LAMA2: variants seen among roughly 807,000 people sequenced by gnomAD.
LAMA2 encodes the protein laminin subunit alpha 2.
A neutral mutation model predicts 364.8 loss-of-function variants in LAMA2; 269 were observed. The ratio of observed to expected loss-of-function variants is 0.74; its 90% CI spans 0.67 to 0.82. The LOEUF is 0.82. LAMA2 is among the 40% of genes least tolerant of loss of function. The pLI, the probability that LAMA2 is intolerant of heterozygous loss-of-function variation, is 0.00. For synonymous variants in LAMA2, 1,379 were observed against 1,370.6 expected (o/e 1.01, Z -0.14); for missense variants, 3,807 against 3,873.2 (o/e 0.98, Z 0.45).
intron 4 of LAMA2, among the ~76,000 whole-genome samples, chr6:129,142,682 T>A (rs1248437125): frequency 6.6e-6 from 1 of 152,052 alleles, no homozygotes; most frequent in Non-Finnish European, 1.5e-5. Context: ...TACTGCTCAA[T>A]TGACTTTCTT....
chr6:128,931,327 T>C (rs894117717), intron 1 of LAMA2, among the ~76,000 whole-genome samples: 8 of 152,230 alleles, frequency 5.3e-5, no homozygotes, highest in Admixed American at 3.9e-4. Flanking sequence ...TCTAGCACTT[T>C]TCAGGCAATA....
chr6:129,482,963 A>T (rs1484471144), intron 55 of LAMA2, among the ~76,000 whole-genome samples: 1 of 150,962 alleles, frequency 6.6e-6, no homozygotes, highest in Non-Finnish European at 1.5e-5. Context: ...GTTACTTGGG[A>T]GGCTGAGGCA....
At chr6:129,068,666 G>C (rs1474955214) in intron 3 of LAMA2, among the ~76,000 whole-genome samples, 7 of 152,188 alleles carry the variant, frequency 4.6e-5, no homozygotes, top group South Asian at 2.1e-4. Flanking sequence ...TAGAAAGCGT[G>C]AAGTAAATTT....
chr6:129,043,413 A>G (rs889663924), intron 1 of LAMA2, among the ~76,000 whole-genome samples: 2 of 152,178 alleles, frequency 1.3e-5, no homozygotes, highest in African/African-American at 2.4e-5. Flanking sequence ...CCAATTTTCT[A>G]TTAATCACAT....
At chr6:129,388,716 A>T (rs1297780281) in intron 35 of LAMA2, among the ~76,000 whole-genome samples, 1 of 151,826 alleles carries the variant, frequency 6.6e-6, no homozygotes, top group Non-Finnish European at 1.5e-5. Context: ...TATTCATTTA[A>T]CAAAGAAAAA....
intron 1 of LAMA2, among the ~76,000 whole-genome samples, chr6:129,043,593 C>G (rs918306809): frequency 5.9e-5 from 9 of 152,112 alleles, no homozygotes; most frequent in African/African-American, 7.2e-5. Flanking sequence ...TTTGCTTATT[C>G]CAACATCTGG....
intron 40 of LAMA2, 114 bp downstream of exon 40, chr6:129,404,073 T>C: frequency 1.7e-6 from 2 of 1,152,856 alleles, no homozygotes; most frequent in Non-Finnish European, 2.5e-6. Flanking sequence ...TGGGTTATTT[T>C]TGAAGACCTC....
At chr6:129,486,934 C>G (rs751581425) in intron 56 of LAMA2, among the ~76,000 whole-genome samples, 2 of 152,200 alleles carry the variant, frequency 1.3e-5, no homozygotes, top group Non-Finnish European at 2.9e-5. Flanking sequence ...ATTACCTCCT[C>G]AAATAAGGTA....
chr6:129,448,784 A>T (rs534438824), intron 45 of LAMA2, among the ~76,000 whole-genome samples: 3 of 152,344 alleles, frequency 2.0e-5, no homozygotes, highest in African/African-American at 4.8e-5. Flanking sequence ...TTTTCTTTAG[A>T]TGTCTTACTA....
intron 45 of LAMA2, among the ~76,000 whole-genome samples, chr6:129,451,224 A>C (rs1782658611): frequency 6.6e-6 from 1 of 152,036 alleles, no homozygotes; most frequent in African/African-American, 2.4e-5. Flanking sequence ...ATTCATTTTC[A>C]CTCACCTACT....
intron 27 of LAMA2, among the ~76,000 whole-genome samples, 166 bp from the exon 28 acceptor site, chr6:129,320,372 G>A (rs920460438): frequency 6.6e-5 from 10 of 151,862 alleles, no homozygotes; most frequent in African/African-American, 2.4e-4. Context: ...ATTGTTCAAG[G>A]GTCAACTTAT....
intron 3 of LAMA2, among the ~76,000 whole-genome samples, chr6:129,070,779 C>T (rs9482980): frequency 0.2 from 31,034 of 152,026 alleles, 4,512 homozygotes; most frequent in African/African-American, 0.41. Flanking sequence ...GAAGTTTTGA[C>T]GTTTTGTCTA....
At chr6:129,077,700 A>C (rs1773749582) in intron 3 of LAMA2, among the ~76,000 whole-genome samples, 1 of 152,220 alleles carries the variant, frequency 6.6e-6, no homozygotes, top group Non-Finnish European at 1.5e-5. Flanking sequence ...AGAACCTCAT[A>C]GGACTTCCAA....
intron 3 of LAMA2, among the ~76,000 whole-genome samples, chr6:129,077,508 A>C (rs1773738288): frequency 6.6e-6 from 1 of 152,148 alleles, no homozygotes; most frequent in African/African-American, 2.4e-5. Context: ...TACAATTAAC[A>C]GATCTCCATC....
intron 35 of LAMA2, among the ~76,000 whole-genome samples, chr6:129,391,145 C>T (rs139630300): frequency 4.6e-5 from 7 of 152,242 alleles, no homozygotes; most frequent in South Asian, 4.2e-4. Flanking sequence ...GCAGAGCTTG[C>T]GTTTCCAGCC....
At chr6:129,179,614 A>G (rs1336536569) in intron 10 of LAMA2, among the ~76,000 whole-genome samples, 1 of 151,916 alleles carries the variant, frequency 6.6e-6, no homozygotes, top group Non-Finnish European at 1.5e-5. Context: ...CCTCCTGTGT[A>G]GACACTTGAA....
intron 56 of LAMA2, chr6:129,490,693 T>A (rs899061236): frequency 6.6e-6 from 1 of 152,138 alleles, no homozygotes; most frequent in Admixed American, 6.5e-5. Context: ...TTTTCTGAAA[T>A]TCTCGTCTCA....
chr6:129,158,313 C>G, intron 8 of LAMA2: 2 of 1,614,040 alleles, frequency 1.2e-6, no homozygotes, highest in Middle Eastern at 1.7e-4. Flanking sequence ...TCGAAACCAG[C>G]TGGCTTCTTC....
At chr6:129,150,308 C>G (rs1778716778) in intron 7 of LAMA2, among the ~76,000 whole-genome samples, 1 of 152,112 alleles carries the variant, frequency 6.6e-6, no homozygotes, top group African/African-American at 2.4e-5. Context: ...GACATTTGTT[C>G]TTAATAGTGA....
Sources: gnomAD v4.1 joint callset for allele counts (sites outside exome capture counted in the v4.1 genomes callset) on GRCh38, gnomAD v4.1.1 for gene constraint, MANE v1.5 for transcripts, NCBI Gene and HGNC (gene_info 2026-07-23, HGNC 2026-07-21) for gene names.